Variants in ADARB2 observed in about 807,000 individuals in gnomAD.
ADARB2 encodes adenosine deaminase RNA specific B2 (inactive), also known as inactive double-stranded RNA-specific editase B2.
ADARB2 carries 25 observed loss-of-function variants against 62.2 expected under a neutral mutation model. That is an observed-to-expected ratio of 0.40 (90% CI 0.29 to 0.56). The LOEUF (loss-of-function observed/expected upper bound fraction) is 0.56, where lower values mean the gene tolerates loss of function less well. Among genes scored for constraint, ADARB2 ranks in the 20% least tolerant of loss-of-function variants. The pLI is 0.43. For synonymous variants in ADARB2, 572 were observed against 500.8 expected (o/e 1.14, Z -1.90); for missense variants, 1,071 against 1,077.4 (o/e 0.99, Z 0.08).
At chr10:1,459,805 C>T (rs1398065528) in intron 1 of ADARB2, among the ~76,000 whole-genome samples, 1 of 152,158 alleles carries the variant, frequency 6.6e-6, no homozygotes, top group East Asian at 1.9e-4. Flanking sequence ...GAGAGGGGAA[C>T]AACACACACT....
At chr10:1,206,926 G>T (rs1837075596) in intron 7 of ADARB2, among the ~76,000 whole-genome samples, 1 of 152,256 alleles carries the variant, frequency 6.6e-6, no homozygotes, top group African/African-American at 2.4e-5. Context: ...TGTGGCCGAG[G>T]TCGGTGGTGC....
intron 1 of ADARB2, among the ~76,000 whole-genome samples, chr10:1,554,812 G>A (rs779273234): frequency 6.6e-6 from 1 of 152,214 alleles, no homozygotes; most frequent in East Asian, 1.9e-4. Context: ...ACTGTGTGAC[G>A]CTGAGGTTTG....
chr10:1,704,692 G>C lies in ADARB2; in HGVS notation c.100+32359C>G, dbSNP rs768300255. On this transcript the variant is annotated intron_variant, in intron 1 of 9. Coordinates refer to ENST00000381312, the MANE Select transcript of ADARB2 (RefSeq NM_018702.4). The surrounding 1 kb of genome is among the most constrained non-coding windows in gnomAD (Gnocchi z 5.6). Reference sequence around the variant, plus strand: ...TTTTGTGAGGGGTACATATAAAGTGGTTTGGAATCATGTGGGATTATTGAT... The same window carrying C: ...TTTTGTGAGGGGTACATATAAAGTGCTTTGGAATCATGTGGGATTATTGAT... Among the ~76,000 whole-genome samples, 24 of 152,192 alleles carry C rather than the reference G, an allele frequency of 1.6e-4. No homozygotes were observed. Among genetic ancestry groups the C allele is most frequent in the Non-Finnish European group, 2.6e-4 (18 of 68,034 alleles).
intron 4 of ADARB2, among the ~76,000 whole-genome samples, chr10:1,262,778 T>C (rs968654157): frequency 6.6e-6 from 1 of 152,220 alleles, no homozygotes; most frequent in African/African-American, 2.4e-5. Flanking sequence ...ATCCCATTAC[T>C]GGGTATATAC....
chr10:1,446,186 C>T (rs1830966649), intron 1 of ADARB2, among the ~76,000 whole-genome samples: 1 of 152,188 alleles, frequency 6.6e-6, no homozygotes, highest in African/African-American at 2.4e-5. Flanking sequence ...ATTCTTTGGG[C>T]AAGTCATTTA....
At chr10:1,298,419 T>C (rs376043295) in intron 3 of ADARB2, among the ~76,000 whole-genome samples, 1 of 152,278 alleles carries the variant, frequency 6.6e-6, no homozygotes, top group South Asian at 2.1e-4. Context: ...TGAGCAGATG[T>C]TGTCTATTGA....
intron 1 of ADARB2, among the ~76,000 whole-genome samples, chr10:1,733,517 C>T (rs749866891): frequency 6.6e-6 from 1 of 152,096 alleles, no homozygotes; most frequent in Non-Finnish European, 1.5e-5. Flanking sequence ...ATACATACTA[C>T]CCTGAAGTTA....
intron 8 of ADARB2, among the ~76,000 whole-genome samples, chr10:1,193,805 C>A (rs778286272): frequency 3.3e-5 from 5 of 152,042 alleles, no homozygotes; most frequent in Non-Finnish European, 1.5e-5. Flanking sequence ...AATCAGTTAC[C>A]AGTCTGATTT....
chr10:1,682,656 C>T (rs1834552948), intron 1 of ADARB2, among the ~76,000 whole-genome samples: 1 of 152,202 alleles, frequency 6.6e-6, no homozygotes, highest in Admixed American at 6.5e-5. Context: ...GGTTCAAACG[C>T]ATTGTGTCAC....
chr10:1,737,109 C>T lies in ADARB2; in HGVS notation c.42G>A (p.Leu14=), dbSNP rs372889691. The change falls in exon 1 of 10, where the codon CTG becomes CTA. Residue 14 remains leucine (L), a synonymous_variant. Coordinates refer to ENST00000381312, the MANE Select transcript of ADARB2 (RefSeq NM_018702.4). ...TGGACTTGCATTTGAGTTGACTGCT[C>T]AGCCCTCCAGACCCTCTGCCGCTCC... ...VLGSGRGSGG[L]SSQLKCKSKR... 1.1e-5 allele frequency: 17 copies of T among 1,611,046 alleles called. No individual in the cohort carries two copies. Among genetic ancestry groups the T allele is most frequent in the African/African-American group, 8.0e-5 (6 of 74,924 alleles).
At chr10:1,377,179 T>TGTG (rs1832438982) in intron 2 of ADARB2, among the ~76,000 whole-genome samples, 2 of 121,430 alleles carry the variant, frequency 1.6e-5, no homozygotes, top group African/African-American at 3.2e-5. Context: ...TGTGTGCGCC[T>TGTG]CTGGGGTGTG....
At chr10:1,423,553 C>T (rs1442431775) in intron 1 of ADARB2, among the ~76,000 whole-genome samples, 1 of 152,188 alleles carries the variant, frequency 6.6e-6, no homozygotes, top group African/African-American at 2.4e-5. Flanking sequence ...CTTCCTAGGG[C>T]CTAGTGAGTT....
chr10:1,354,068 A>G (rs1832170645), intron 3 of ADARB2, among the ~76,000 whole-genome samples: 1 of 151,344 alleles, frequency 6.6e-6, no homozygotes, highest in Non-Finnish European at 1.5e-5. Context: ...AATCTCTCCC[A>G]CTCTAGGTTT....
chr10:1,391,766 A>ATTTTTTTTTTTTT (rs60956446), intron 1 of ADARB2, among the ~76,000 whole-genome samples: 1 of 91,614 alleles, frequency 1.1e-5, no homozygotes, highest in African/African-American at 4.4e-5. Context: ...TAAGAATTGG[A>ATTTTTTTTTTTTT]TTTTTTTTTT....
rs185925132 is a variant in ADARB2, at chr10:1,589,870, C to G, written c.100+147181G>C. On this transcript the variant is annotated intron_variant, in intron 1 of 9. Coordinates refer to ENST00000381312, the MANE Select transcript of ADARB2 (RefSeq NM_018702.4). ...TTTGTTTGTAGGAGACAGGATTTCA[C>G]CATATTAGCCAGGCTGGTCTCAAAC... Among the ~76,000 whole-genome samples the G allele has an allele frequency of 1.1e-3, 171 of 152,306 alleles. 1 individual carries two copies. The highest frequency in any genetic ancestry group is 5.0e-3 in the South Asian group (24 of 4,822).
chr10:1,672,477 T>A (rs2119104105), intron 1 of ADARB2, among the ~76,000 whole-genome samples: 1 of 152,252 alleles, frequency 6.6e-6, no homozygotes, highest in African/African-American at 2.4e-5. Flanking sequence ...GCCAGGAAGG[T>A]CCACCTCTGA....
rs1229509567 is a variant in ADARB2, at chr10:1,398,298, G to A, written c.101-19138C>T. ...GGCTTCCTGGGGCAGGGCTTCGCCTGCTTCCTGCAATTGTGTCCAGGGCGC... is the reference window on the plus strand; with the variant it reads ...GGCTTCCTGGGGCAGGGCTTCGCCTACTTCCTGCAATTGTGTCCAGGGCGC... On this transcript the variant is annotated intron_variant, in intron 1 of 9. Coordinates refer to ENST00000381312, the MANE Select transcript of ADARB2 (RefSeq NM_018702.4). This position sits in a 1 kb window ranked among gnomAD's most constrained non-coding sequence, Gnocchi z 4.1. Among the ~76,000 whole-genome samples the A allele has an allele frequency of 6.6e-6, 1 of 152,154 alleles. No homozygotes were observed. Among genetic ancestry groups the A allele is most frequent in the Non-Finnish European group, 1.5e-5 (1 of 67,990 alleles).
At chr10:1,285,816 G>A (rs993279327) in intron 3 of ADARB2, among the ~76,000 whole-genome samples, 2 of 152,168 alleles carry the variant, frequency 1.3e-5, no homozygotes, top group Non-Finnish European at 2.9e-5. Flanking sequence ...TAAATAAAAT[G>A]TGCTCAAATT....
intron 3 of ADARB2, among the ~76,000 whole-genome samples, chr10:1,361,849 T>G (rs996846516): frequency 6.6e-6 from 1 of 152,248 alleles, no homozygotes; most frequent in Non-Finnish European, 1.5e-5. Flanking sequence ...TATTGCATAC[T>G]TACGACGAGT....
Sources: gnomAD v4.1 joint callset for allele counts (sites outside exome capture counted in the v4.1 genomes callset) on GRCh38, gnomAD v4.1.1 for gene constraint, Gnocchi (gnomAD v3.1) non-coding constraint, MANE v1.5 for transcripts, NCBI Gene and HGNC (gene_info 2026-07-23, HGNC 2026-07-21) for gene names.